The following SPOCD1 variants were observed in gnomAD, a reference collection of about 807,000 sequenced individuals.
SPOCD1 encodes the protein SPOC domain containing 1.
In SPOCD1, 64 loss-of-function variants were observed where a neutral mutation model predicts 92.2. That is an observed-to-expected ratio of 0.69 (90% CI 0.57 to 0.86). The LOEUF (loss-of-function observed/expected upper bound fraction) is 0.86. SPOCD1 is among the 40% of genes least tolerant of loss of function. SPOCD1 has a pLI of 0.00. For synonymous variants in SPOCD1, 578 were observed against 619.3 expected, an observed-to-expected ratio of 0.93 and a Z score of 0.99; for missense variants, 1,360 against 1,543.1, an observed-to-expected ratio of 0.88 and a Z score of 1.99.
intron 10 of SPOCD1, chr1:31,796,269 G>A: frequency 2.3e-6 from 1 of 432,046 alleles, no homozygotes; most frequent in Non-Finnish European, 4.3e-6. Context: ...GCAGCCTGCT[G>A]CTTCCCAGCA....
chr1:31,796,610 G>C lies in SPOCD1; in HGVS notation c.2251C>G (p.Leu751Val). The C allele has an allele frequency of 6.2e-7, 1 of 1,614,274 alleles. No individual in the cohort carries two copies. Among genetic ancestry groups the C allele is most frequent in the Non-Finnish European group, 8.5e-7 (1 of 1,180,052 alleles). Residue 751 changes from leucine (L) to valine (V), a missense_variant, in exon 10 of 16, where the codon CTG becomes GTG. Leu to Val is a conservative substitution (Grantham distance 32). This residue lies in a region of SPOCD1 where 614 missense variants were observed against 757.8 expected (regional missense o/e 0.81). Coordinates refer to ENST00000360482, the MANE Select transcript of SPOCD1 (RefSeq NM_144569.7). ...VEIQRDMDQT[L>V]TLEDLVGPQM... ...TTAACCACCAGATCCTCCAGGGTCA[G>C]TGTCTGGTCCATGTCCCGCTGAATC...
chr1:31,798,524 C>T lies in SPOCD1; in HGVS notation c.1946G>A (p.Trp649Ter). 1 of 1,613,970 alleles carries T rather than the reference C, an allele frequency of 6.2e-7. No individual in the cohort carries two copies. Among genetic ancestry groups the T allele is most frequent in the South Asian group, 1.1e-5 (1 of 91,090 alleles). Reference sequence around the variant, plus strand: ...GCCATTGGTGCCTTGTGTCAGGTCCCAGAGGGCTGCCTCAATGCCAGCAGC... The same window carrying T: ...GCCATTGGTGCCTTGTGTCAGGTCCTAGAGGGCTGCCTCAATGCCAGCAGC... ...GIAAGIEAAL[W>*]DLTQGTNGRY... The change falls in exon 8 of 16, where the codon TGG becomes TAG. Residue 649 changes from tryptophan (W) to a stop codon, truncating the protein, a stop_gained. Coordinates refer to ENST00000360482, the MANE Select transcript of SPOCD1 (RefSeq NM_144569.7). LOFTEE classifies it high-confidence loss of function. The surrounding 1 kb of genome is among the most constrained non-coding windows in gnomAD (Gnocchi z 4.1).
rs769338592 is a variant in SPOCD1 at position 31,815,316 on chromosome 1, G to A, written c.18C>T (p.Asp6=). The change falls in exon 2 of 16, where the codon GAC becomes GAT. Residue 6 remains aspartate, a synonymous_variant. Transcript: ENST00000360482. MSQAG[D]VEGPSTGDPV... ...GGTCTCCTGTGCTGGGGCCTTCTAC[G>A]TCCCCCGCCTGGGACATGTCTGTCC... The A allele has an allele frequency of 2.3e-5, 35 of 1,552,238 alleles. No homozygotes were observed. The East Asian group carries it at 6.2e-4, about 27-fold the overall frequency.
At chr1:31,803,582 A>G (rs1164863899) in intron 2 of SPOCD1, among the ~76,000 whole-genome samples, 4 of 151,742 alleles carry the variant, frequency 2.6e-5, no homozygotes, top group East Asian at 1.9e-4. Flanking sequence ...AAACAAGAAA[A>G]AAAAAAAAAA....
rs769640684 is a variant in SPOCD1, at chr1:31,815,053, G to C, written c.281C>G (p.Ser94Trp). 6 of 1,613,708 alleles carry C rather than the reference G, an allele frequency of 3.7e-6. No homozygotes were observed. The Admixed American group carries it at 5.0e-5, about 13-fold the overall frequency. Reference protein sequence around the residue: ...ELLAVVQSRGSMLAPGLHMQL... With the variant: ...ELLAVVQSRGWMLAPGLHMQL... The stretch of plus-strand genomic sequence containing the variant: ...CATGTGGAGCCCAGGAGCCAGCATC[G>C]AGCCCCGGCTCTGTACCACAGCTAG... The change falls in exon 2 of 16, where the codon TCG becomes TGG. Residue 94 changes from serine (S) to tryptophan (W), a missense_variant. Ser to Trp is a radical substitution (Grantham distance 177). This residue lies in a region of SPOCD1 where 140 missense variants were observed against 183.8 expected (regional missense o/e 0.76). Transcript: ENST00000360482.
chr1:31,800,365 C>T, intron 4 of SPOCD1, 76 bp downstream of exon 4: 1 of 1,459,544 alleles, frequency 6.9e-7, no homozygotes, highest in Non-Finnish European at 9.2e-7. Flanking sequence ...TCTCTCTGAG[C>T]CTCAGTGACA....
At chr1:31,809,183 G>A (rs2149116671) in intron 2 of SPOCD1, among the ~76,000 whole-genome samples, 1 of 152,222 alleles carries the variant, frequency 6.6e-6, no homozygotes, top group South Asian at 2.1e-4. Context: ...TTAAAGAAAA[G>A]ACTTAATAAG....
chr1:31,800,184 C>A, intron 4 of SPOCD1, 43 bp from the exon 5 acceptor site: 1 of 1,544,924 alleles, frequency 6.5e-7, no homozygotes, highest in Admixed American at 2.2e-5. Context: ...GAAATGGAGG[C>A]CAGGGACTGT....
chr1:31,792,612 G>T, intron 14 of SPOCD1, 66 bp downstream of exon 14: 1 of 1,344,580 alleles, frequency 7.4e-7, no homozygotes, highest in Non-Finnish European at 1.0e-6. Flanking sequence ...CTCTGCTCTA[G>T]AAGTGGAGAG....
At chr1:31,807,781 T>C (rs1267005351) in intron 2 of SPOCD1, among the ~76,000 whole-genome samples, 7 of 151,300 alleles carry the variant, frequency 4.6e-5, no homozygotes, top group African/African-American at 1.2e-4. Context: ...AGAGAGGAGG[T>C]ATAACTAGCT....
rs775716543 is a variant in SPOCD1, at chr1:31,790,674, G to A, written c.3580C>T (p.Pro1194Ser). Residue 1194 changes from proline (P) to serine (S), a missense_variant, in exon 16 of 16, where the codon CCA (proline) becomes TCA (serine). Physicochemically the swap from Pro to Ser is moderately conservative, Grantham distance 74 (BLOSUM62 -1). Coordinates refer to ENST00000360482, the MANE Select transcript of SPOCD1 (RefSeq NM_144569.7). Reference protein sequence around the residue: ...SALAAPEPPGPARDSSLGPTD... With the variant: ...SALAAPEPPGSARDSSLGPTD... ...GGCCCCAAAGAGGAGTCACGGGCTGGGCCAGGGGGCTCTGGAGCTGCAAGG... is the reference window on the plus strand; with the variant it reads ...GGCCCCAAAGAGGAGTCACGGGCTGAGCCAGGGGGCTCTGGAGCTGCAAGG... The A allele has an allele frequency of 1.9e-5, 30 of 1,551,824 alleles. No homozygotes were observed. Among genetic ancestry groups the A allele is most frequent in the South Asian group, 1.4e-4 (12 of 84,084 alleles).
In SPOCD1 at chr1:31,800,052, G is replaced by A. The variant is rs201743691; in HGVS notation, c.1692C>T (p.Ala564=). ...CAGGGTCCGAGCTGGGGTCGCCAAG[G>A]GCCAGGGAACCGCTTCTTGGAGGGT... The part of the protein sequence containing the change: ...PFYPPRSGSL[A]LGDPSSDPAC... The change falls in exon 5 of 16, where the codon GCC becomes GCT. Residue 564 remains alanine, a synonymous_variant. Transcript: ENST00000360482. 1.9e-6 allele frequency: 3 copies of A among 1,610,676 alleles called. No individual in the cohort carries two copies. The highest frequency in any genetic ancestry group is 2.2e-5 in the East Asian group (1 of 44,892).
In SPOCD1 at chr1:31,790,639, T is replaced by C; in HGVS notation, c.3615A>G (p.Glu1205=). The C allele has an allele frequency of 6.4e-7, 1 of 1,551,890 alleles. No individual in the cohort carries two copies. The highest frequency in any genetic ancestry group is 8.7e-7 in the Non-Finnish European group (1 of 1,147,072). ...ARDSSLGPTD[E]AGSECPFPRK... ...TAGGGAAGGGACACTCAGAGCCAGC[T>C]TCATCTGTAGGCCCCAAAGAGGAGT... The change falls in exon 16 of 16, where the codon GAA becomes GAG. Residue 1205 remains glutamate (E), a synonymous_variant. Transcript: ENST00000360482.
rs747235789 is a variant in SPOCD1 at position 31,800,091 on chromosome 1, G to C, written c.1653C>G (p.Leu551=). Residue 551 remains leucine (L), a synonymous_variant, in exon 5 of 16, where the codon CTC becomes CTG. Coordinates refer to ENST00000360482, the MANE Select transcript of SPOCD1 (RefSeq NM_144569.7). Reference sequence around the variant, plus strand: ...TTCTTGGAGGGTAGAAGGGGTCAGAGAGGCCACCAGGGTCCCCTGCTGTGC... The same window carrying C: ...TTCTTGGAGGGTAGAAGGGGTCAGACAGGCCACCAGGGTCCCCTGCTGTGC... ...SGGTAGDPGG[L]SDPFYPPRSG... is the part of the protein sequence containing the mutation. 3.1e-6 allele frequency: 5 copies of C among 1,606,090 alleles called. No individual in the cohort carries two copies. The East Asian group carries it at 1.1e-4, about 36-fold the overall frequency.
chr1:31,794,193 T>A lies in SPOCD1; in HGVS notation c.2314A>T (p.Ile772Phe). The A allele has an allele frequency of 1.2e-6, 2 of 1,613,976 alleles. No individual in the cohort carries two copies. The highest frequency in any genetic ancestry group is 1.7e-6 in the Non-Finnish European group (2 of 1,179,922). The change falls in exon 11 of 16, where the codon ATC becomes TTC. Residue 772 changes from isoleucine to phenylalanine, a missense_variant. Around this residue, in one of 3 missense-constraint regions of SPOCD1, gnomAD observed 614 missense variants for 757.8 expected, o/e 0.81. Coordinates refer to ENST00000360482, the MANE Select transcript of SPOCD1 (RefSeq NM_144569.7). ...TGCCCCGTGGTGTCCTCTGATGCGATGGGCAGGGCCTGTGGGCTGCAGTCC... is the reference window on the plus strand; with the variant it reads ...TGCCCCGTGGTGTCCTCTGATGCGAAGGGCAGGGCCTGTGGGCTGCAGTCC... Reference protein sequence around the residue: ...FMDCSPQALPIASEDTTGQHD... With the variant: ...FMDCSPQALPFASEDTTGQHD...
intron 10 of SPOCD1, chr1:31,794,497 TTTTC>T (rs202081401): frequency 0.021 from 4,290 of 204,002 alleles, 25 homozygotes; most frequent in South Asian, 0.041. Flanking sequence ...TTTTTTTTTC[TTTTC>T]TTTTTTTTTT....
At chr1:31,793,960 C>A in intron 11 of SPOCD1, 63 bp from the exon 12 acceptor site, 1 of 1,566,798 alleles carries the variant, frequency 6.4e-7, no homozygotes, top group Non-Finnish European at 8.7e-7. Context: ...CAGCCCAGGG[C>A]TTTAGAGCCA....
Position 31,790,807 on chromosome 1 carries a change from C to A in SPOCD1, c.3447G>T (p.Leu1149=), listed in dbSNP as rs1570140217. 21 of 1,543,814 alleles carry A rather than the reference C, an allele frequency of 1.4e-5. No homozygotes were observed. The highest frequency in any genetic ancestry group is 2.0e-5 in the Admixed American group (1 of 50,274). Residue 1149 remains leucine, a synonymous_variant, in exon 16 of 16, where the codon CTG becomes CTT. Transcript: ENST00000360482. ...TCGCCAGGGATTCGAGGTGCCGGAG[C>A]AGGGCTTGGTGGGGACAGGAGTCCC... ...FHRDSCPHQA[L]LRHLESLATM... is the part of the protein sequence containing the mutation.
intron 9 of SPOCD1, 24 bp from the exon 10 acceptor site, chr1:31,796,739 C>T (rs1446571281): frequency 6.2e-7 from 1 of 1,613,950 alleles, no homozygotes; most frequent in South Asian, 1.1e-5. Flanking sequence ...GCAGGCCAAG[C>T]TGAGCCCAGT....
Sources: allele counts gnomAD v4.1 joint callset (sites outside exome capture counted in the v4.1 genomes callset), GRCh38; gene constraint gnomAD v4.1.1; regional missense constraint gnomAD v4.1.1; non-coding constraint Gnocchi (gnomAD v3.1); transcripts MANE v1.5; gene names NCBI Gene and HGNC (gene_info 2026-07-23, HGNC 2026-07-21).